The following SENP7 variants were observed in gnomAD, a reference collection of about 807,000 sequenced individuals.
SENP7 encodes the protein SUMO specific peptidase 7.
A neutral mutation model predicts 141.2 loss-of-function variants in SENP7; 64 were observed. The ratio of observed to expected loss-of-function variants is 0.45; its 90% confidence interval spans 0.37 to 0.56. The LOEUF is 0.56. Ranked by LOEUF, SENP7 falls within the 20% of genes least tolerant of loss-of-function variation. SENP7 has a pLI of 0.00. For synonymous variants in SENP7, 382 were observed against 426.4 expected, an observed-to-expected ratio of 0.90 and a Z score of 1.28; for missense variants, 1,025 against 1,212.2, an observed-to-expected ratio of 0.85 and a Z score of 2.29.
At chr3:101,473,514 T>G (rs142515349) in intron 3 of SENP7, among the ~76,000 whole-genome samples, 1 of 152,362 alleles carries the variant, frequency 6.6e-6, no homozygotes, top group Non-Finnish European at 1.5e-5. Context: ...CATATGATTG[T>G]TGGCTGCATG....
chr3:101,397,062 C>T (rs1308767662), intron 6 of SENP7, among the ~76,000 whole-genome samples: 4 of 152,152 alleles, frequency 2.6e-5, no homozygotes, highest in Admixed American at 1.3e-4. Context: ...AGGCTGGCCT[C>T]GAACTCCTGA....
rs747302139 is a variant in SENP7 at position 101,506,684 on chromosome 3, C to A, written c.41-5565G>T. On this transcript the variant is annotated intron_variant, in intron 1 of 23. Coordinates refer to ENST00000394095, the MANE Select transcript of SENP7 (RefSeq NM_020654.5). ...AATTATCATATAAGAGGCATAAAGACCAACAGAAGTGCAGAAACAGGCATA... is the reference window on the plus strand; with the variant it reads ...AATTATCATATAAGAGGCATAAAGAACAACAGAAGTGCAGAAACAGGCATA... Among the ~76,000 whole-genome samples the A allele has an allele frequency of 2.0e-5, 3 of 152,114 alleles. No homozygotes were observed. In the South Asian group the frequency reaches 6.2e-4, roughly 32 times the overall value.
At chr3:101,327,566 A>AAT (rs2058937027) in intron 23 of SENP7, 100 bp downstream of exon 23, 1 of 823,164 alleles carries the variant, frequency 1.2e-6, no homozygotes, top group Non-Finnish European at 1.8e-6. Context: ...AGTCTTGGGT[A>AAT]TGTCTTTATT....
chr3:101,431,126 C>A (rs1450879238), intron 4 of SENP7, among the ~76,000 whole-genome samples: 1 of 152,074 alleles, frequency 6.6e-6, no homozygotes, highest in Admixed American at 6.6e-5. Flanking sequence ...GGAATAGGTG[C>A]AATGTGGTGC....
chr3:101,509,511 C>G (rs1298118832), intron 1 of SENP7, among the ~76,000 whole-genome samples: 4 of 152,210 alleles, frequency 2.6e-5, no homozygotes, highest in African/African-American at 9.7e-5. Context: ...TTAGTAATAT[C>G]TCTTCCTCCG....
chr3:101,338,115 T>C lies in SENP7; in HGVS notation c.2358-484A>G, dbSNP rs59893178. Among the ~76,000 whole-genome samples, 965 of 149,054 alleles carry C rather than the reference T, an allele frequency of 6.5e-3. 6 individuals are homozygous for C. The highest frequency in any genetic ancestry group is 0.022 in the African/African-American group (871 of 40,260). On this transcript the variant is annotated intron_variant, in intron 16 of 23. Transcript: ENST00000394095. ...TTGTAGTGAGCTGAGATCACATCAC[T>C]GCACTGTAGCCTGGGTGACACAGCG... is the stretch of plus-strand genomic sequence containing the variant.
intron 19 of SENP7, among the ~76,000 whole-genome samples, chr3:101,331,556 T>A (rs2059054157): frequency 2.8e-5 from 1 of 35,316 alleles, no homozygotes; most frequent in Non-Finnish European, 6.1e-5. Flanking sequence ...GCAAAAAATG[T>A]CAATGGAAAT....
rs574879717 is a variant in SENP7, at chr3:101,362,014, AT to A, written c.1477-154del. Among the ~76,000 whole-genome samples, 715 of 152,078 alleles carry A rather than the reference AT, an allele frequency of 4.7e-3. 5 individuals are homozygous for A. Among genetic ancestry groups the A allele is most frequent in the Admixed American group, 0.013 (203 of 15,262 alleles). On this transcript the variant is annotated intron_variant, in intron 10 of 23. Coordinates refer to ENST00000394095, the MANE Select transcript of SENP7 (RefSeq NM_020654.5). ...TTACTGTGAAGAAATAGCTATCTAG[AT>A]TTTTTTTCTGAAAAAATATATGACT...
At chr3:101,353,758 C>T (rs2059669412) in intron 11 of SENP7, among the ~76,000 whole-genome samples, 1 of 151,928 alleles carries the variant, frequency 6.6e-6, no homozygotes, top group African/African-American at 2.4e-5. Flanking sequence ...TAACCAGTGT[C>T]TAACTATAGG....
intron 3 of SENP7, among the ~76,000 whole-genome samples, chr3:101,477,651 G>C (rs941276479): frequency 6.6e-6 from 1 of 152,094 alleles, no homozygotes; most frequent in Admixed American, 6.6e-5. Flanking sequence ...AGGAGTTTGA[G>C]ACCAACCTGG....
chr3:101,374,514 G>A (rs967274707), intron 6 of SENP7, among the ~76,000 whole-genome samples: 2 of 152,012 alleles, frequency 1.3e-5, no homozygotes, highest in African/African-American at 2.4e-5. Context: ...CCAGCTACTC[G>A]AGAGGCTGAG....
chr3:101,487,922 A>G (rs1273802141), intron 3 of SENP7, among the ~76,000 whole-genome samples: 8 of 152,102 alleles, frequency 5.3e-5, no homozygotes, highest in Admixed American at 5.2e-4. Context: ...CTTTTTGTTT[A>G]GGATTGCTTT....
At position 101,513,106 on chromosome 3, in the gene SENP7, G is replaced by A. The variant is rs748847512; in HGVS notation, c.25C>T (p.Arg9Trp). Residue 9 changes from arginine to tryptophan, a missense_variant, in exon 1 of 24, where the codon CGG (arginine) becomes TGG (tryptophan). This residue lies in a region of SENP7 where 496 missense variants were observed against 503.5 expected (regional missense o/e 0.99). Transcript: ENST00000394095. ...CCTTTCTCACCGGATGAAGATGGCC[G>A]TCGCCCGAGCTTTCTCTTGTCCATC... The part of the protein sequence containing the change: MDKRKLGR[R>W]PSSSEIITEG... 1 of 1,613,140 alleles carries A rather than the reference G, an allele frequency of 6.2e-7. No individual in the cohort carries two copies. Among genetic ancestry groups the A allele is most frequent in the Non-Finnish European group, 8.5e-7 (1 of 1,179,868 alleles).
At chr3:101,338,870 A>G (rs1323475173) in intron 16 of SENP7, among the ~76,000 whole-genome samples, 1 of 152,202 alleles carries the variant, frequency 6.6e-6, no homozygotes, top group Non-Finnish European at 1.5e-5. Context: ...ACAAATCTTA[A>G]AGGCATCAAA....
chr3:101,403,074 G>A (rs2061196834), intron 5 of SENP7, among the ~76,000 whole-genome samples: 1 of 152,126 alleles, frequency 6.6e-6, no homozygotes, highest in South Asian at 2.1e-4. Flanking sequence ...AGGTAACAAA[G>A]TACAGTGAAG....
chr3:101,451,250 G>C (rs1365979909), intron 4 of SENP7, among the ~76,000 whole-genome samples: 4 of 152,130 alleles, frequency 2.6e-5, no homozygotes, highest in Non-Finnish European at 5.9e-5. Flanking sequence ...AAAAAGTCCA[G>C]GACCAGATGG....
intron 1 of SENP7, among the ~76,000 whole-genome samples, chr3:101,506,741 T>C (rs2065630088): frequency 6.6e-6 from 1 of 152,214 alleles, no homozygotes; most frequent in Non-Finnish European, 1.5e-5. Flanking sequence ...AGGAAATGGT[T>C]CTTGGAAAGG....
intron 6 of SENP7, among the ~76,000 whole-genome samples, chr3:101,393,254 A>T (rs942668244): frequency 5.9e-5 from 9 of 152,200 alleles, no homozygotes; most frequent in Admixed American, 5.9e-4. Context: ...AAACAGGGGA[A>T]TAACTATATG....
chr3:101,333,991 C>T (rs1399383823), intron 17 of SENP7, among the ~76,000 whole-genome samples: 2 of 152,162 alleles, frequency 1.3e-5, no homozygotes, highest in Non-Finnish European at 2.9e-5. Flanking sequence ...ATAAGGAGCA[C>T]GCAACCTAGA....
Sources: allele counts gnomAD v4.1 joint callset (sites outside exome capture counted in the v4.1 genomes callset), GRCh38; gene constraint gnomAD v4.1.1; regional missense constraint gnomAD v4.1.1; transcripts MANE v1.5; gene names NCBI Gene and HGNC (gene_info 2026-07-23, HGNC 2026-07-21).